The following ING3 variants were observed in gnomAD, a reference collection of about 807,000 sequenced individuals.
ING3 encodes the protein inhibitor of growth protein 3.
ING3 carries 6 observed loss-of-function variants against 64.8 expected under a neutral mutation model. That is an observed-to-expected ratio of 0.09 (90% CI 0.05 to 0.18). ING3 has a LOEUF of 0.18. Among genes scored for constraint, ING3 ranks in the 10% least tolerant of loss-of-function variants. ING3 has a pLI of 1.00. For synonymous variants in ING3, 170 were observed against 173.7 expected, an observed-to-expected ratio of 0.98 and a Z score of 0.17; for missense variants, 310 against 489.7, an observed-to-expected ratio of 0.63 and a Z score of 3.46.
intron 2 of ING3, 150 bp from the exon 3 acceptor site, chr7:120,953,154 A>G (rs1205032555): frequency 6.4e-6 from 3 of 466,292 alleles, no homozygotes; most frequent in Non-Finnish European, 1.2e-5. Context: ...GAGGCATTAT[A>G]TATTTACACA....
At chr7:120,953,015 A>G (rs188547556) in intron 2 of ING3, among the ~76,000 whole-genome samples, 16 of 152,282 alleles carry the variant, frequency 1.1e-4, no homozygotes, top group African/African-American at 3.6e-4. Flanking sequence ...TTTTGACCTA[A>G]AGGCTTTATT....
chr7:120,951,038 T>A, intron 1 of ING3, 114 bp downstream of exon 1: 1 of 1,513,244 alleles, frequency 6.6e-7, no homozygotes, highest in Non-Finnish European at 9.2e-7. Flanking sequence ...TGTTTCTTTC[T>A]CACGGTAACT....
At chr7:120,973,777 C>A (rs1562978229) in intron 11 of ING3, among the ~76,000 whole-genome samples, 3 of 152,092 alleles carry the variant, frequency 2.0e-5, no homozygotes, top group Non-Finnish European at 1.5e-5. Flanking sequence ...TTTTAGGAGA[C>A]TTAATTTTAG....
rs765081972 is a variant in ING3, at chr7:120,967,995, A to G, written c.618A>G (p.Gln206=). The change falls in exon 8 of 12, where the codon CAA becomes CAG. Residue 206 remains glutamine, a synonymous_variant. Coordinates refer to ENST00000315870, the MANE Select transcript of ING3 (RefSeq NM_019071.3). ...ATGCCTACAATGTGAATTCCTCCCA[A>G]CCTCTGGGATCCTATAACATTGGCT... ...SNNAYNVNSS[Q]PLGSYNIGSL... is the part of the protein sequence containing the mutation. 5.0e-6 allele frequency: 8 copies of G among 1,613,736 alleles called. No homozygotes were observed. Among genetic ancestry groups the G allele is most frequent in the East Asian group, 2.2e-5 (1 of 44,876 alleles).
chr7:120,958,711 T>C (rs1296387675), intron 4 of ING3, among the ~76,000 whole-genome samples: 2 of 152,238 alleles, frequency 1.3e-5, no homozygotes, highest in African/African-American at 4.8e-5. Context: ...TTTTCATCTT[T>C]AGCCTCTTTT....
At chr7:120,966,761 G>A (rs1796001878) in intron 6 of ING3, 64 bp downstream of exon 6, 1 of 1,172,436 alleles carries the variant, frequency 8.5e-7, no homozygotes, top group African/African-American at 1.5e-5. Context: ...TCACCTATAT[G>A]TTCTCTTTTT....
chr7:120,967,958 C>A lies in ING3; in HGVS notation c.581C>A (p.Ala194Asp). The A allele has an allele frequency of 6.2e-7, 1 of 1,613,988 alleles. No homozygotes were observed. Among genetic ancestry groups the A allele is most frequent in the Non-Finnish European group, 8.5e-7 (1 of 1,179,964 alleles). The change falls in exon 8 of 12, where the codon GCC (alanine) becomes GAC (aspartate). Residue 194 changes from alanine to aspartate, a missense_variant. Coordinates refer to ENST00000315870, the MANE Select transcript of ING3 (RefSeq NM_019071.3). ...TLGCRNNNST[A>D]SSNNAYNVNS... ...GGTTGTCGAAATAATAATTCCACAG[C>A]CTCTTCTAACAATGCCTACAATGTG... is the stretch of plus-strand genomic sequence containing the variant.
chr7:120,968,523 G>A (rs1313528227), intron 8 of ING3, among the ~76,000 whole-genome samples: 1 of 152,114 alleles, frequency 6.6e-6, no homozygotes, highest in Non-Finnish European at 1.5e-5. Flanking sequence ...TATTCTAACT[G>A]TGTAAAATCT....
In ING3 at chr7:120,976,389, C is replaced by T. The variant is rs934070202; in HGVS notation, c.*1545C>T. ...TAGGGGATTTCAAAGATCTCTTCCA[C>T]CTTTGAGATCCCATGATTCTGAGCT... On this transcript the variant is annotated 3_prime_UTR_variant, in exon 12 of 12. Coordinates refer to ENST00000315870, the MANE Select transcript of ING3 (RefSeq NM_019071.3). The T allele has an allele frequency of 2.0e-5, 3 of 152,108 alleles. No homozygotes were observed. The highest frequency in any genetic ancestry group is 6.6e-5 in the Admixed American group (1 of 15,258). 9.4% of individuals were successfully genotyped at this position (152,108 alleles called of 1,614,324 possible).
At chr7:120,965,624 A>G (rs911974203) in intron 5 of ING3, among the ~76,000 whole-genome samples, 1 of 152,160 alleles carries the variant, frequency 6.6e-6, no homozygotes, top group Non-Finnish European at 1.5e-5. Flanking sequence ...GTGCATTTCA[A>G]CAGTAAGAAT....
At chr7:120,954,151 C>T (rs919035244) in intron 3 of ING3, among the ~76,000 whole-genome samples, 6 of 152,116 alleles carry the variant, frequency 3.9e-5, no homozygotes, top group African/African-American at 7.2e-5. Context: ...AGAGGCCTGG[C>T]GTGGTGGCTC....
chr7:120,954,923 CT>C (rs1795823862), intron 3 of ING3, among the ~76,000 whole-genome samples: 1 of 152,064 alleles, frequency 6.6e-6, no homozygotes, highest in Non-Finnish European at 1.5e-5. Flanking sequence ...TGCAAATGTA[CT>C]TTACAAGTTA....
chr7:120,968,196 A>G (rs1161547643), intron 8 of ING3, 105 bp downstream of exon 8: 2 of 1,009,476 alleles, frequency 2.0e-6, no homozygotes, highest in Non-Finnish European at 2.8e-6. Flanking sequence ...AACGTTGTAT[A>G]TTTTCATTTT....
At chr7:120,973,158 T>A (rs980610479) in intron 10 of ING3, 47 bp from the exon 11 acceptor site, 26 of 994,696 alleles carry the variant, frequency 2.6e-5, no homozygotes, top group Non-Finnish European at 4.0e-5. Flanking sequence ...GGTATCTAGG[T>A]GTTTGTTACA....
Position 120,974,181 on chromosome 7 carries a change from G to T in ING3, c.1141-547G>T, listed in dbSNP as rs190526956. On this transcript the variant is annotated intron_variant, in intron 11 of 11. Coordinates refer to ENST00000315870, the MANE Select transcript of ING3 (RefSeq NM_019071.3). ...GCTTCTCTGATTCTTCTTATTCCCA[G>T]TTGTGCTCTTCTGAGTGCTAAGACT... is the stretch of plus-strand genomic sequence containing the variant. Among the ~76,000 whole-genome samples the T allele has an allele frequency of 2.8e-3, 416 of 151,164 alleles. 3 individuals carry two copies. Among genetic ancestry groups the T allele is most frequent in the African/African-American group, 9.8e-3 (402 of 40,814 alleles).
In ING3 at chr7:120,966,610, G is replaced by A. The variant is rs1796000191; in HGVS notation, c.365-16G>A. ...ACATTTAATGGTGGTGTATCTCTGT[G>A]CCTCTCTTCTTTTAGGATCTTTGGA... On this transcript the variant is annotated splice_polypyrimidine_tract_variant and intron_variant, in intron 5 of 11. Transcript: ENST00000315870. 6.3e-7 allele frequency: 1 copy of A among 1,597,428 alleles called. No individual in the cohort carries two copies. The highest frequency in any genetic ancestry group is 8.6e-7 in the Non-Finnish European group (1 of 1,164,952).
At chr7:120,964,942 A>G in intron 5 of ING3, 104 bp downstream of exon 5, 2 of 865,640 alleles carry the variant, frequency 2.3e-6, no homozygotes, top group South Asian at 1.5e-5. Context: ...CCTTCAATGG[A>G]TGGTGGCATC....
chr7:120,951,109 TA>T, intron 1 of ING3, 54 bp from the exon 2 acceptor site: 6 of 1,587,744 alleles, frequency 3.8e-6, no homozygotes, highest in Non-Finnish European at 5.2e-6. Flanking sequence ...CGCAGTGACG[TA>T]AGCGCGTATT....
chr7:120,952,971 T>C (rs1795789695), intron 2 of ING3, among the ~76,000 whole-genome samples: 2 of 152,144 alleles, frequency 1.3e-5, no homozygotes, highest in South Asian at 4.1e-4. Context: ...TTTAATTGTG[T>C]TTCGGTACAT....
Sources: gnomAD v4.1 joint callset for allele counts (sites outside exome capture counted in the v4.1 genomes callset) on GRCh38, gnomAD v4.1.1 for gene constraint, MANE v1.5 for transcripts, NCBI Gene and HGNC (gene_info 2026-07-23, HGNC 2026-07-21) for gene names.